EIF4G3: variants seen among roughly 807,000 people sequenced by gnomAD.
EIF4G3 encodes eIF-4-gamma 3.
A neutral mutation model predicts 186.4 loss-of-function variants in EIF4G3; 34 were observed. The observed-to-expected ratio is 0.18, with a 90% CI of 0.14 to 0.24. The LOEUF (loss-of-function observed/expected upper bound fraction) is 0.24, where lower values mean the gene tolerates loss of function less well. Among genes scored for constraint, EIF4G3 ranks in the 10% least tolerant of loss-of-function variants. EIF4G3 has a pLI of 1.00. For synonymous variants in EIF4G3, 673 were observed against 679.5 expected (o/e 0.99, Z 0.15); for missense variants, 1,536 against 1,948.5 (o/e 0.79, Z 3.99).
chr1:20,961,454 A>C (rs755738866), intron 12 of EIF4G3, among the ~76,000 whole-genome samples: 18 of 152,232 alleles, frequency 1.2e-4, no homozygotes, highest in South Asian at 6.2e-4. Context: ...ACAAAAATTT[A>C]ACACATTCAC....
chr1:20,989,461 C>T (rs893581774), intron 7 of EIF4G3, among the ~76,000 whole-genome samples: 7 of 146,934 alleles, frequency 4.8e-5, no homozygotes, highest in African/African-American at 1.8e-4. Flanking sequence ...GGAGGGTGAG[C>T]CAGGAGAATC....
At chr1:20,834,307 C>G (rs187087135) in intron 30 of EIF4G3, among the ~76,000 whole-genome samples, 1 of 152,026 alleles carries the variant, frequency 6.6e-6, no homozygotes, top group African/African-American at 2.4e-5. Context: ...AAAAATTAGC[C>G]AGGCATCATG....
chr1:20,964,535 A>G (rs532706222), intron 12 of EIF4G3, among the ~76,000 whole-genome samples: 1 of 152,338 alleles, frequency 6.6e-6, no homozygotes, highest in Admixed American at 6.5e-5. Flanking sequence ...TTAGGGTAAA[A>G]ACAGCAGCAG....
chr1:20,921,306 A>G (rs923399984), intron 14 of EIF4G3, among the ~76,000 whole-genome samples: 1 of 152,356 alleles, frequency 6.6e-6, no homozygotes, highest in South Asian at 2.1e-4. Context: ...TTAGGATATT[A>G]TAAAACTAAA....
At chr1:20,972,899 C>T in intron 11 of EIF4G3, 103 bp downstream of exon 11, 1 of 876,180 alleles carries the variant, frequency 1.1e-6, no homozygotes, top group Non-Finnish European at 1.6e-6. Flanking sequence ...AAAAAAAAGG[C>T]ACAGTAATTT....
intron 4 of EIF4G3, among the ~76,000 whole-genome samples, chr1:21,015,442 A>C (rs1463712733): frequency 1.3e-5 from 2 of 152,112 alleles, no homozygotes; most frequent in Non-Finnish European, 2.9e-5. Context: ...AGGAAAAAAA[A>C]CCAAAGAGAC....
At chr1:21,094,450 G>A (rs1351055297) in intron 2 of EIF4G3, among the ~76,000 whole-genome samples, 1 of 151,902 alleles carries the variant, frequency 6.6e-6, no homozygotes, top group African/African-American at 2.4e-5. Context: ...CATAAAAAAG[G>A]ATGAGTTCAT....
At chr1:20,861,149 G>C (rs1452013624) in intron 23 of EIF4G3, among the ~76,000 whole-genome samples, 1 of 152,090 alleles carries the variant, frequency 6.6e-6, no homozygotes, top group Non-Finnish European at 1.5e-5. Context: ...TGATAACATG[G>C]GTGAAGACAA....
At chr1:20,967,981 C>A (rs1446152448) in intron 12 of EIF4G3, among the ~76,000 whole-genome samples, 1 of 152,132 alleles carries the variant, frequency 6.6e-6, no homozygotes, top group Non-Finnish European at 1.5e-5. Context: ...TTTTAAGGGA[C>A]AGGATCTTGC....
chr1:20,893,199 T>A, intron 18 of EIF4G3: 1 of 203,362 alleles, frequency 4.9e-6, no homozygotes, highest in Non-Finnish European at 9.8e-6. Context: ...CACAAAGTGC[T>A]AGCATTACAG....
chr1:21,156,349 T>C (rs533228481), intron 2 of EIF4G3, among the ~76,000 whole-genome samples: 118 of 152,322 alleles, frequency 7.7e-4, no homozygotes, highest in Non-Finnish European at 1.2e-3. Flanking sequence ...AGACACTGCA[T>C]AGACTAATAA....
intron 3 of EIF4G3, among the ~76,000 whole-genome samples, chr1:21,084,586 T>C (rs1170579834): frequency 1.3e-5 from 2 of 152,156 alleles, no homozygotes; most frequent in Admixed American, 1.3e-4. Context: ...ATCTGATGTC[T>C]CAAATCCAAC....
chr1:21,047,221 GCA>G (rs2093943442), intron 4 of EIF4G3, among the ~76,000 whole-genome samples: 1 of 152,082 alleles, frequency 6.6e-6, no homozygotes, highest in Non-Finnish European at 1.5e-5. Context: ...ACTTGGTGGG[GCA>G]CAGAGATATG....
In EIF4G3 at chr1:20,821,956, C is replaced by T. The variant is rs138661308; in HGVS notation, c.4368+3144G>A. ...GCAATAATGTGATCTTGGCTCATTG[C>T]AACCTCTGCCTCCTGGGTTCAAGCA... On this transcript the variant is annotated intron_variant, in intron 33 of 36. Coordinates refer to ENST00000602326, the MANE Select transcript of EIF4G3 (RefSeq NM_001391906.1). Among the ~76,000 whole-genome samples the T allele has an allele frequency of 6.6e-4, 100 of 152,246 alleles. 3 individuals are homozygous for T. The East Asian group carries it at 0.018, about 27-fold the overall frequency.
At chr1:21,044,438 C>CT (rs891618595) in intron 4 of EIF4G3, among the ~76,000 whole-genome samples, 1 of 151,890 alleles carries the variant, frequency 6.6e-6, no homozygotes, top group African/African-American at 2.4e-5. Flanking sequence ...ATACATTTTG[C>CT]TTTTTTTAAA....
intron 3 of EIF4G3, among the ~76,000 whole-genome samples, chr1:21,066,887 A>G (rs537597051): frequency 5.3e-4 from 80 of 152,342 alleles, no homozygotes; most frequent in African/African-American, 1.9e-3. Flanking sequence ...TTATTTTTAA[A>G]AACAGTACAT....
intron 2 of EIF4G3, among the ~76,000 whole-genome samples, chr1:21,119,510 C>T (rs1030270068): frequency 1.3e-5 from 2 of 152,048 alleles, no homozygotes; most frequent in East Asian, 1.9e-4. Context: ...GGAAATCATG[C>T]TGACTAGTGA....
At chr1:21,011,128 C>T (rs143245952) in intron 4 of EIF4G3, among the ~76,000 whole-genome samples, 1 of 149,946 alleles carries the variant, frequency 6.7e-6, no homozygotes, top group East Asian at 2.0e-4. Flanking sequence ...GTAAATCTTA[C>T]ATATACTTAG....
chr1:20,919,029 CCTT>C (rs2094223862), intron 14 of EIF4G3, among the ~76,000 whole-genome samples: 1 of 151,958 alleles, frequency 6.6e-6, no homozygotes, highest in South Asian at 2.1e-4. Flanking sequence ...AGCATTTTTT[CCTT>C]TTTTTGTTTT....
Sources: allele counts gnomAD v4.1 joint callset (sites outside exome capture counted in the v4.1 genomes callset), GRCh38; gene constraint gnomAD v4.1.1; transcripts MANE v1.5; gene names NCBI Gene and HGNC (gene_info 2026-07-23, HGNC 2026-07-21).